Variants in PDZD8 observed in about 807,000 individuals in gnomAD.
The protein encoded by PDZD8 is PDZ domain containing 8.
A neutral mutation model predicts 85.8 loss-of-function variants in PDZD8; 14 were observed. The observed-to-expected ratio is 0.16, with a 90% CI of 0.11 to 0.26. The LOEUF (loss-of-function observed/expected upper bound fraction) is 0.26, where lower values mean the gene tolerates loss of function less well. Among genes scored for constraint, PDZD8 ranks in the 10% least tolerant of loss-of-function variants. PDZD8 has a pLI of 1.00. For synonymous variants in PDZD8, 592 were observed against 568.6 expected (o/e 1.04, Z -0.59); for missense variants, 1,197 against 1,424.3 (o/e 0.84, Z 2.57).
intron 4 of PDZD8, among the ~76,000 whole-genome samples, chr10:117,286,629 C>T (rs1185025698): frequency 6.6e-6 from 1 of 152,184 alleles, no homozygotes; most frequent in Non-Finnish European, 1.5e-5. Context: ...CTATTTTTCA[C>T]CTCTTACAAT....
At chr10:117,305,695 T>C (rs1324238538) in intron 3 of PDZD8, among the ~76,000 whole-genome samples, 2 of 152,162 alleles carry the variant, frequency 1.3e-5, no homozygotes, top group Non-Finnish European at 2.9e-5. Flanking sequence ...TTTCAGAGCA[T>C]TTCAGATTTT....
At chr10:117,289,895 A>T (rs1844726545) in intron 4 of PDZD8, among the ~76,000 whole-genome samples, 1 of 152,234 alleles carries the variant, frequency 6.6e-6, no homozygotes, top group Non-Finnish European at 1.5e-5. Flanking sequence ...GAAAAAATAA[A>T]TAGAGTAGTA....
chr10:117,365,193 T>G lies in PDZD8; in HGVS notation c.872+9163A>C, dbSNP rs113442422. 3.9e-3 allele frequency among the ~76,000 whole-genome samples: 588 copies of G among 152,246 alleles called. 4 individuals are homozygous for G. Among genetic ancestry groups the G allele is most frequent in the African/African-American group, 0.013 (557 of 41,560 alleles). On this transcript the variant is annotated intron_variant, in intron 1 of 4. Coordinates refer to ENST00000334464, the MANE Select transcript of PDZD8 (RefSeq NM_173791.5). ...ACAGAGATACAGGTAGAAGGATGTT[T>G]ATGGTGCCATTATTTACATTAGTGA...
chr10:117,329,508 T>C (rs561823282), intron 2 of PDZD8, among the ~76,000 whole-genome samples: 28 of 152,240 alleles, frequency 1.8e-4, no homozygotes, highest in African/African-American at 6.5e-4. Flanking sequence ...GGCGATGACG[T>C]TGAGCAGTAG....
intron 1 of PDZD8, among the ~76,000 whole-genome samples, chr10:117,342,866 G>A (rs1230487476): frequency 3.9e-5 from 6 of 152,130 alleles, no homozygotes; most frequent in Admixed American, 3.3e-4. Flanking sequence ...ATGCCCAGAA[G>A]ACACTATGAA....
rs955119524 is a variant in PDZD8, at chr10:117,281,976, C to T, written c.*1292G>A. The T allele has an allele frequency of 6.6e-6, 1 of 152,150 alleles. No individual in the cohort carries two copies. Among genetic ancestry groups the T allele is most frequent in the African/African-American group, 2.4e-5 (1 of 41,434 alleles). 9.4% of individuals were successfully genotyped at this position (152,150 alleles called of 1,614,324 possible). A position where few individuals can be genotyped will look rare whatever the true frequency, so the allele number is the denominator to read the frequency against. On this transcript the variant is annotated 3_prime_UTR_variant, in exon 5 of 5. Coordinates refer to ENST00000334464, the MANE Select transcript of PDZD8 (RefSeq NM_173791.5). ...ACCATTAAGGTACCCCAACAACAGT[C>T]GAGCTTACTTGTTTTCCCTCAGTCA...
intron 1 of PDZD8, among the ~76,000 whole-genome samples, chr10:117,344,097 T>C (rs1406666277): frequency 6.6e-6 from 1 of 152,184 alleles, no homozygotes; most frequent in Admixed American, 6.5e-5. Flanking sequence ...CTTAACAAAC[T>C]ACCTGTACTT....
chr10:117,356,352 TATC>T (rs1844894746), intron 1 of PDZD8, among the ~76,000 whole-genome samples: 1 of 152,218 alleles, frequency 6.6e-6, no homozygotes, highest in Non-Finnish European at 1.5e-5. Context: ...ATTTGAAGGT[TATC>T]ATTAAAATTT....
intron 1 of PDZD8, among the ~76,000 whole-genome samples, chr10:117,349,645 A>C (rs899227555): frequency 2.0e-5 from 3 of 152,064 alleles, no homozygotes; most frequent in African/African-American, 7.2e-5. Context: ...TCTACAAAAA[A>C]TACAAAAACC....
chr10:117,370,102 A>C (rs1471799529), intron 1 of PDZD8, among the ~76,000 whole-genome samples: 1 of 152,228 alleles, frequency 6.6e-6, no homozygotes, highest in African/African-American at 2.4e-5. Flanking sequence ...TTCATTTAAA[A>C]AAATATATTG....
In PDZD8 at chr10:117,365,104, A is replaced by G. The variant is rs7092775; in HGVS notation, c.872+9252T>C. On this transcript the variant is annotated intron_variant, in intron 1 of 4. Coordinates refer to ENST00000334464, the MANE Select transcript of PDZD8 (RefSeq NM_173791.5). ...ATTTTTAACTTCTTTATGCTCCTCA[A>G]TACTATACAAATATATGCCAAAAAA... Among the ~76,000 whole-genome samples the G allele has an allele frequency of 9.3e-3, 1,383 of 148,628 alleles. 19 individuals carry two copies. Among genetic ancestry groups the G allele is most frequent in the African/African-American group, 0.033 (1,318 of 40,398 alleles).
chr10:117,356,155 C>T (rs1844891502), intron 1 of PDZD8, among the ~76,000 whole-genome samples: 1 of 151,896 alleles, frequency 6.6e-6, no homozygotes, highest in Non-Finnish European at 1.5e-5. Context: ...ATCTTCAATC[C>T]TTTTTTTCTT....
chr10:117,313,159 C>T (rs1844067357), intron 3 of PDZD8, among the ~76,000 whole-genome samples: 1 of 152,166 alleles, frequency 6.6e-6, no homozygotes, highest in African/African-American at 2.4e-5. Flanking sequence ...ACTGTACATT[C>T]CTTCTTCTAG....
At chr10:117,372,725 C>A (rs753481753) in intron 1 of PDZD8, among the ~76,000 whole-genome samples, 1 of 152,306 alleles carries the variant, frequency 6.6e-6, no homozygotes, top group Non-Finnish European at 1.5e-5. Context: ...CAGTGAACAA[C>A]CAGTTCACCA....
intron 2 of PDZD8, among the ~76,000 whole-genome samples, chr10:117,322,140 T>G (rs1482379849): frequency 1.7e-4 from 26 of 152,146 alleles, no homozygotes; most frequent in Non-Finnish European, 2.9e-5. Flanking sequence ...GGGAGGCCAT[T>G]GTACTGAGCT....
At chr10:117,333,137 A>AAC (rs1844458493) in intron 2 of PDZD8, among the ~76,000 whole-genome samples, 5 of 149,110 alleles carry the variant, frequency 3.4e-5, no homozygotes, top group African/African-American at 1.2e-4. Context: ...AAAAAAAAAA[A>AAC]AAAAAAGGGG....
chr10:117,334,086 A>G (rs909524109), intron 2 of PDZD8, among the ~76,000 whole-genome samples: 3 of 152,262 alleles, frequency 2.0e-5, no homozygotes, highest in African/African-American at 7.2e-5. Flanking sequence ...GATTGTAATT[A>G]TAAAAACTGG....
intron 3 of PDZD8, among the ~76,000 whole-genome samples, chr10:117,305,677 G>A (rs1843931093): frequency 6.6e-6 from 1 of 152,094 alleles, no homozygotes; most frequent in African/African-American, 2.4e-5. Context: ...GTGATACGAA[G>A]TTTCAGATTT....
At chr10:117,364,228 GTGTC>G (rs149032407) in intron 1 of PDZD8, among the ~76,000 whole-genome samples, 95 of 151,876 alleles carry the variant, frequency 6.3e-4, no homozygotes, top group Non-Finnish European at 1.2e-3. Context: ...GTGTGTCTGT[GTGTC>G]TGTCTGTCTA....
Sources: gnomAD v4.1 joint callset for allele counts (sites outside exome capture counted in the v4.1 genomes callset) on GRCh38, gnomAD v4.1.1 for gene constraint, MANE v1.5 for transcripts, NCBI Gene and HGNC (gene_info 2026-07-23, HGNC 2026-07-21) for gene names.